Variants in PDXDC1 observed in about 807,000 individuals in gnomAD.
PDXDC1 encodes the protein pyridoxal-dependent decarboxylase domain-containing protein 1.
PDXDC1 carries 42 observed loss-of-function variants against 100.1 expected under a neutral mutation model. That is an observed-to-expected ratio of 0.42 (90% confidence interval 0.33 to 0.54). The LOEUF is 0.54. Among genes scored for constraint, PDXDC1 ranks in the 20% least tolerant of loss-of-function variants. The probability of loss-of-function intolerance (pLI) is 0.10; values close to 1 mark genes in which losing one functional copy is unlikely to be tolerated. For synonymous variants in PDXDC1, 260 were observed against 371.7 expected, an observed-to-expected ratio of 0.70 and a Z score of 3.46; for missense variants, 636 against 979.2, an observed-to-expected ratio of 0.65 and a Z score of 4.68.
At chr16:15,014,459 C>T (rs1416681983) in intron 8 of PDXDC1, among the ~76,000 whole-genome samples, 2 of 152,414 alleles carry the variant, frequency 1.3e-5, no homozygotes, top group East Asian at 3.8e-4. Context: ...AGAGAATCTG[C>T]ATGCGATCCA....
At chr16:15,074,344 C>T (rs2045362031) in intron 16 of PDXDC1, among the ~76,000 whole-genome samples, 1 of 152,200 alleles carries the variant, frequency 6.6e-6, no homozygotes, top group Non-Finnish European at 1.5e-5. Context: ...AACACTGGCA[C>T]AACAATGGTG....
chr16:14,990,256 A>C, intron 1 of PDXDC1: 1 of 616,502 alleles, frequency 1.6e-6, no homozygotes, highest in Non-Finnish European at 2.0e-6. Context: ...CCCGGCCCAG[A>C]CCGCGGCGCC....
chr16:15,016,492 T>A, intron 9 of PDXDC1: 1 of 767,874 alleles, frequency 1.3e-6, no homozygotes, highest in Non-Finnish European at 1.9e-6. Flanking sequence ...CTTGGTTTCC[T>A]CTATCTGTGG....
In PDXDC1 at chr16:15,035,515, C is replaced by T. The variant is rs1405733737; in HGVS notation, c.2069C>T (p.Pro690Leu). The T allele has an allele frequency of 3.7e-6, 6 of 1,612,560 alleles. No homozygotes were observed. The highest frequency in any genetic ancestry group is 1.8e-4 in the Middle Eastern group (1 of 5,454). Residue 690 changes from proline to leucine, a missense_variant, in exon 22 of 23, where the codon CCA becomes CTA. Coordinates refer to ENST00000396410, the MANE Select transcript of PDXDC1 (RefSeq NM_015027.4). ...CAAGGTGCAGGAGTCACGCTGCCTC[C>T]AACGCCCTCGGGCAGTCGCACCAAG... ...KAQGAGVTLPPTPSGSRTKQR... is the reference protein window; with the variant it reads ...KAQGAGVTLPLTPSGSRTKQR...
intron 16 of PDXDC1, among the ~76,000 whole-genome samples, chr16:15,056,263 G>T (rs1213045838): frequency 6.6e-6 from 1 of 152,250 alleles, no homozygotes; most frequent in Non-Finnish European, 1.5e-5. Context: ...GGGAAGTGTA[G>T]TCCCAAAAGC....
chr16:15,140,572 T>C (rs933489120), downstream of PDXDC1, among the ~76,000 whole-genome samples: 5 of 151,654 alleles, frequency 3.3e-5, no homozygotes, highest in Admixed American at 2.6e-4. Flanking sequence ...GTCACAGCCA[T>C]GGGAAAGACA....
At chr16:15,026,006 A>T (rs1309392043) in intron 13 of PDXDC1, 1 of 152,528 alleles carries the variant, frequency 6.6e-6, no homozygotes, top group African/African-American at 2.4e-5. Context: ...TCCAGTTCTC[A>T]GCTGTGCTTG....
At chr16:15,016,630 C>T (rs1415873954) in intron 9 of PDXDC1, among the ~76,000 whole-genome samples, 1 of 152,296 alleles carries the variant, frequency 6.6e-6, no homozygotes, top group African/African-American at 2.4e-5. Flanking sequence ...GAGAAGTAAT[C>T]CTCTGATAGT....
chr16:14,984,102 G>A (rs987496476), intron 1 of PDXDC1, among the ~76,000 whole-genome samples: 1 of 152,214 alleles, frequency 6.6e-6, no homozygotes, highest in African/African-American at 2.4e-5. Flanking sequence ...GGGTGAGGCT[G>A]CAGGGAGCCA....
chr16:15,096,750 A>G lies in PDXDC1; in HGVS notation c.1400-42129A>G, dbSNP rs1231910716. Among the ~76,000 whole-genome samples the G allele has an allele frequency of 2.6e-5, 4 of 152,270 alleles. No individual in the cohort carries two copies. In the East Asian group the frequency reaches 7.7e-4, roughly 29 times the overall value. Reference sequence around the variant, plus strand: ...CAAGTTAGAGCGCAATGGCGCGATCATGGCTCGTTGCAGCCTCGGGCTCCT... The same window carrying G: ...CAAGTTAGAGCGCAATGGCGCGATCGTGGCTCGTTGCAGCCTCGGGCTCCT... On this transcript the variant is annotated intron_variant, in intron 16 of 16. Coordinates refer to the PDXDC1 transcript ENST00000535621.
intron 16 of PDXDC1, among the ~76,000 whole-genome samples, chr16:15,070,588 C>G (rs1164691410): frequency 6.6e-6 from 1 of 152,130 alleles, no homozygotes; most frequent in South Asian, 2.1e-4. Flanking sequence ...TTCACCAACA[C>G]CTCTCAAGAG....
chr16:15,062,220 C>T (rs913049909), intron 16 of PDXDC1, among the ~76,000 whole-genome samples: 2 of 152,180 alleles, frequency 1.3e-5, no homozygotes, highest in Non-Finnish European at 2.9e-5. Flanking sequence ...CACATAACTG[C>T]TCATCACACA....
chr16:15,028,786 T>G (rs1356032134), intron 14 of PDXDC1, 92 bp from the exon 15 acceptor site: 53 of 1,211,526 alleles, frequency 4.4e-5, no homozygotes, highest in Admixed American at 1.0e-4. Context: ...CTGGGGCTAA[T>G]ATTGGGATGG....
chr16:15,015,880 A>C (rs1401063353), intron 8 of PDXDC1: 1 of 917,822 alleles, frequency 1.1e-6, no homozygotes, highest in African/African-American at 1.7e-5. Context: ...AAGTAGATAG[A>C]AAATAAGTAT....
chr16:15,078,484 A>T (rs549291594), intron 16 of PDXDC1, among the ~76,000 whole-genome samples: 1 of 152,088 alleles, frequency 6.6e-6, no homozygotes, highest in Non-Finnish European at 1.5e-5. Context: ...GGTCCTCCAG[A>T]AAGCAACAAA....
chr16:15,013,349 A>G (rs1171032475), intron 8 of PDXDC1, among the ~76,000 whole-genome samples: 3 of 46,928 alleles, frequency 6.4e-5, no homozygotes. Context: ...ACCCTATCTC[A>G]AAAAAAAAAG....
intron 8 of PDXDC1, among the ~76,000 whole-genome samples, chr16:15,012,363 C>A (rs1192574255): frequency 2.0e-5 from 3 of 152,270 alleles, no homozygotes; most frequent in Non-Finnish European, 4.4e-5. Context: ...CCTTGGCCTC[C>A]CAAAGTGCTG....
intron 16 of PDXDC1, chr16:15,130,316 C>G (rs1370720015): frequency 1.3e-6 from 2 of 1,544,428 alleles, no homozygotes; most frequent in Non-Finnish European, 8.7e-7. Context: ...GGGGCAGCAG[C>G]CCCTCTGTCC....
At chr16:15,146,557 G>C in the PDXDC1 span, among the ~76,000 whole-genome samples, 1 of 152,072 alleles carries the variant, frequency 6.6e-6, no homozygotes, top group Non-Finnish European at 1.5e-5. Flanking sequence ...GGAGTAGGCC[G>C]GGTCTTGTGA....
Sources: gnomAD v4.1 joint callset for allele counts (sites outside exome capture counted in the v4.1 genomes callset) on GRCh38, gnomAD v4.1.1 for gene constraint, MANE v1.5 for transcripts, NCBI Gene and HGNC (gene_info 2026-07-23, HGNC 2026-07-21) for gene names.